Variants in PAPOLG observed in about 807,000 individuals in gnomAD.
PAPOLG encodes PAP-gamma.
PAPOLG carries 40 observed loss-of-function variants against 99.0 expected under a neutral mutation model. That is an observed-to-expected ratio of 0.40 (90% CI 0.31 to 0.53). The LOEUF (loss-of-function observed/expected upper bound fraction) is 0.53. Among genes scored for constraint, PAPOLG ranks in the 20% least tolerant of loss-of-function variants. PAPOLG has a pLI of 0.41. For missense variants in PAPOLG, 675 were observed against 884.1 expected (o/e 0.76, Z 3.00); for synonymous variants, 310 against 299.3 (o/e 1.04, Z -0.37).
intron 3 of PAPOLG, among the ~76,000 whole-genome samples, chr2:60,763,025 C>T (rs956329261): frequency 6.6e-6 from 1 of 151,918 alleles, no homozygotes; most frequent in Non-Finnish European, 1.5e-5. Flanking sequence ...CCTCAGCCTC[C>T]CCAAGTGCTG....
chr2:60,778,329 T>C (rs2103793825), intron 8 of PAPOLG, among the ~76,000 whole-genome samples: 1 of 151,658 alleles, frequency 6.6e-6, no homozygotes, highest in East Asian at 1.9e-4. Flanking sequence ...TTTTATTTTA[T>C]TTTATTTTAT....
chr2:60,774,793 A>G (rs959930202), intron 7 of PAPOLG, among the ~76,000 whole-genome samples: 1 of 152,228 alleles, frequency 6.6e-6, no homozygotes, highest in East Asian at 1.9e-4. Flanking sequence ...TTAATAGTCA[A>G]GGAAGAAAAC....
chr2:60,791,577 A>G, intron 15 of PAPOLG, 184 bp from the exon 16 acceptor site: 1 of 524,212 alleles, frequency 1.9e-6, no homozygotes, highest in Non-Finnish European at 3.1e-6. Context: ...TAGTGGATTC[A>G]TGAATAGGAT....
Position 60,783,023 on chromosome 2 carries a change from T to A in PAPOLG, c.1113-133T>A, listed in dbSNP as rs576398432. 12 of 923,450 alleles carry A rather than the reference T, an allele frequency of 1.3e-5. No homozygotes were observed. The Admixed American group carries it at 3.4e-4, about 26-fold the overall frequency. The allele number at this position is 923,450 out of a possible 1,614,324, so 57.2% of individuals were successfully genotyped here. A position where few individuals can be genotyped will look rare whatever the true frequency, so the allele number is the denominator to read the frequency against. On this transcript the variant is annotated intron_variant, in intron 12 of 21. Coordinates refer to ENST00000238714, the MANE Select transcript of PAPOLG (RefSeq NM_022894.4). Reference sequence around the variant, plus strand: ...AATTTTGTGAAAATCAGAGCACATTTAATTTTCATAAACTGTGTGCCTTTA... The same window carrying A: ...AATTTTGTGAAAATCAGAGCACATTAAATTTTCATAAACTGTGTGCCTTTA...
At chr2:60,780,388 ACCTCAG>A (rs2103797829) in intron 9 of PAPOLG, among the ~76,000 whole-genome samples, 1 of 150,780 alleles carries the variant, frequency 6.6e-6, no homozygotes, top group East Asian at 2.0e-4. Context: ...TGATCCTCTC[ACCTCAG>A]CCTCCTGAGT....
At chr2:60,764,317 GCCCACTGTTTAAAACTCAC>G in intron 3 of PAPOLG, among the ~76,000 whole-genome samples, 1 of 152,154 alleles carries the variant, frequency 6.6e-6, no homozygotes, top group Middle Eastern at 3.4e-3. Flanking sequence ...TTAAAAGAAA[GCCCACTGTTTAAAACTCAC>G]AGTTGTCAGT....
At chr2:60,792,048 C>G (rs779610276) in intron 16 of PAPOLG, 81 bp from the exon 17 acceptor site, 72 of 1,484,246 alleles carry the variant, frequency 4.9e-5, no homozygotes, top group Non-Finnish European at 6.4e-5. Flanking sequence ...AGATAATTTG[C>G]TTAAGTGACC....
rs761155433 is a variant in PAPOLG at position 60,794,721 on chromosome 2, TGA to T, written c.2002_2003del (p.Glu668IlefsTer4). 23 of 1,611,222 alleles carry T rather than the reference TGA, an allele frequency of 1.4e-5. No homozygotes were observed. The highest frequency in any genetic ancestry group is 2.0e-5 in the Non-Finnish European group (23 of 1,177,706). On this transcript the variant is annotated frameshift_variant, in exon 20 of 22. Transcript: ENST00000238714. LOFTEE classifies it high-confidence loss of function. ...LKDVEKFIRL[E>X]STFKDPRTAE... ...TGTTTATATTTTAGTTTATTCGACT[TGA>T]ATCAACATTTAAGGACCCCCGCACT...
chr2:60,786,335 A>G (rs1449650987), intron 13 of PAPOLG, among the ~76,000 whole-genome samples: 1 of 151,706 alleles, frequency 6.6e-6, no homozygotes, highest in African/African-American at 2.4e-5. Flanking sequence ...GCTTCAAGCA[A>G]TTCTCGTGCT....
intron 2 of PAPOLG, among the ~76,000 whole-genome samples, chr2:60,761,186 C>T (rs899983092): frequency 7.2e-5 from 11 of 152,068 alleles, no homozygotes; most frequent in Admixed American, 2.0e-4. Context: ...TTTGGACAGA[C>T]GTTCAGTTTT....
Position 60,797,050 on chromosome 2 carries a change from T to G in PAPOLG, c.2113-12T>G. 1 of 1,612,628 alleles carries G rather than the reference T, an allele frequency of 6.2e-7. No homozygotes were observed. Among genetic ancestry groups the G allele is most frequent in the Non-Finnish European group, 8.5e-7 (1 of 1,178,862 alleles). On this transcript the variant is annotated splice_polypyrimidine_tract_variant and intron_variant, in intron 21 of 21. Coordinates refer to ENST00000238714, the MANE Select transcript of PAPOLG (RefSeq NM_022894.4). ...TGCTTTTCCTTTTTTGTTTCCTCTT[T>G]CTTTCTAATAGAGACTACCCAGTAA... is the stretch of plus-strand genomic sequence containing the variant.
intron 9 of PAPOLG, 50 bp from the exon 10 acceptor site, chr2:60,780,657 A>G (rs765526556): frequency 3.9e-6 from 6 of 1,542,354 alleles, no homozygotes; most frequent in Admixed American, 3.4e-5. Flanking sequence ...AGTTTCATGT[A>G]GTACCTGAAG....
At chr2:60,758,459 C>T (rs1316277316) in intron 1 of PAPOLG, among the ~76,000 whole-genome samples, 3 of 130,218 alleles carry the variant, frequency 2.3e-5, no homozygotes, top group Admixed American at 1.7e-4. Context: ...CGGAGTTTCG[C>T]TCTTGTTGCC....
intron 10 of PAPOLG, 28 bp downstream of exon 10, chr2:60,780,807 A>G (rs753272828): frequency 1.7e-5 from 27 of 1,548,656 alleles, no homozygotes; most frequent in Non-Finnish European, 2.2e-5. Flanking sequence ...GAGTTTCTTT[A>G]AAGCTTTTAA....
intron 2 of PAPOLG, among the ~76,000 whole-genome samples, chr2:60,761,102 T>A (rs1670510933): frequency 1.3e-5 from 2 of 152,202 alleles, no homozygotes; most frequent in Non-Finnish European, 2.9e-5. Context: ...TCAAGGATGA[T>A]GGCCAAGATT....
intron 10 of PAPOLG, 135 bp downstream of exon 10, chr2:60,780,914 G>C: frequency 2.9e-6 from 2 of 693,482 alleles, no homozygotes; most frequent in Non-Finnish European, 4.9e-6. Flanking sequence ...TCCTCCTTCT[G>C]CTGTGGTTTT....
chr2:60,760,309 A>T lies in PAPOLG; in HGVS notation c.179+14A>T, dbSNP rs759944171. The T allele has an allele frequency of 2.5e-6, 4 of 1,596,862 alleles. No homozygotes were observed. The highest frequency in any genetic ancestry group is 3.4e-6 in the Non-Finnish European group (4 of 1,166,472). On this transcript the variant is annotated intron_variant, in intron 2 of 21. Transcript: ENST00000238714. ...ATTGAACCACAGGTATGTCATTGAA[A>T]ACCATAAAATATTTGACAGTGCATT...
At chr2:60,759,898 G>A (rs760128712) in intron 1 of PAPOLG, among the ~76,000 whole-genome samples, 57 of 152,024 alleles carry the variant, frequency 3.7e-4, no homozygotes, top group Non-Finnish European at 6.5e-4. Flanking sequence ...CACATGCTGC[G>A]CTTGGCTTGA....
In PAPOLG at chr2:60,782,096, G is replaced by C. The variant is rs1017122398; in HGVS notation, c.1027+91G>C. Reference sequence around the variant, plus strand: ...TGTTGCAGCTATGGATTGGCAGTTAGAGTTATACCTATTCTTTCTAAAAAT... The same window carrying C: ...TGTTGCAGCTATGGATTGGCAGTTACAGTTATACCTATTCTTTCTAAAAAT... On this transcript the variant is annotated intron_variant, in intron 11 of 21. Transcript: ENST00000238714. The C allele has an allele frequency of 3.9e-6, 5 of 1,279,252 alleles. No homozygotes were observed. In the East Asian group the frequency reaches 9.3e-5, roughly 24 times the overall value. The allele number at this position is 1,279,252 out of a possible 1,614,324, so 79.2% of individuals were successfully genotyped here. A position where few individuals can be genotyped will look rare whatever the true frequency, so the allele number is the denominator to read the frequency against.
Sources: allele counts gnomAD v4.1 joint callset (sites outside exome capture counted in the v4.1 genomes callset), GRCh38; gene constraint gnomAD v4.1.1; transcripts MANE v1.5; gene names NCBI Gene and HGNC (gene_info 2026-07-23, HGNC 2026-07-21).